The following PTDSS2 variants were observed in gnomAD, a reference collection of about 807,000 sequenced individuals.
PTDSS2 encodes the protein PSS-2.
PTDSS2 carries 41 observed loss-of-function variants against 64.7 expected under a neutral mutation model. The ratio of observed to expected loss-of-function variants is 0.63; its 90% CI spans 0.49 to 0.82. The LOEUF (loss-of-function observed/expected upper bound fraction) is 0.82, where lower values mean the gene tolerates loss of function less well. PTDSS2 is among the 40% of genes least tolerant of loss of function. The pLI is 0.00. For synonymous variants in PTDSS2, 297 were observed against 277.8 expected (o/e 1.07, Z -0.69); for missense variants, 485 against 650.0 (o/e 0.75, Z 2.76).
At chr11:484,300 C>T (rs1020404632) in intron 4 of PTDSS2, among the ~76,000 whole-genome samples, 4 of 152,220 alleles carry the variant, frequency 2.6e-5, no homozygotes, top group Non-Finnish European at 5.9e-5. Context: ...CCTAGCACTG[C>T]GGGATGCTCC....
intron 3 of PTDSS2, among the ~76,000 whole-genome samples, chr11:478,516 G>A (rs1329673615): frequency 6.6e-6 from 1 of 151,998 alleles, no homozygotes; most frequent in Non-Finnish European, 1.5e-5. Flanking sequence ...GGAGGCTGAG[G>A]CGGGTGGACC....
chr11:450,514 C>G lies in PTDSS2; in HGVS notation c.59C>G (p.Ala20Gly), dbSNP rs1846267140. ...GGPRPESPVP[A>G]GRASLEEPPD... ...CCGCGGCCCGAGTCCCCGGTGCCCG[C>G]GGGCAGGGCCTCGCTGGAGGAGCCG... The change falls in exon 1 of 12, where the codon GCG becomes GGG. Residue 20 changes from alanine to glycine, a missense_variant. By Grantham distance (60) the Ala-to-Gly change is moderately conservative. This residue lies in a region of PTDSS2 where 251 missense variants were observed against 348.0 expected (regional missense o/e 0.72). Transcript: ENST00000308020. 3.2e-6 allele frequency: 4 copies of G among 1,239,454 alleles called. No homozygotes were observed. Among genetic ancestry groups the G allele is most frequent in the Non-Finnish European group, 3.0e-6 (3 of 985,066 alleles). The allele number at this position is 1,239,454 out of a possible 1,614,324, so 76.8% of individuals were successfully genotyped here.
At chr11:457,972 T>C (rs1245766546) in intron 1 of PTDSS2, among the ~76,000 whole-genome samples, 1 of 152,234 alleles carries the variant, frequency 6.6e-6, no homozygotes, top group East Asian at 1.9e-4. Flanking sequence ...TGCTGTGTCG[T>C]GGCTTGGATT....
intron 2 of PTDSS2, among the ~76,000 whole-genome samples, chr11:464,426 TC>T (rs1162782478): frequency 6.6e-6 from 1 of 152,180 alleles, no homozygotes; most frequent in East Asian, 1.9e-4. Flanking sequence ...TGTTCACTGT[TC>T]CCTGCGCTCA....
intron 1 of PTDSS2, among the ~76,000 whole-genome samples, chr11:457,409 G>A (rs562824460): frequency 1.3e-5 from 2 of 152,358 alleles, no homozygotes; most frequent in African/African-American, 4.8e-5. Flanking sequence ...TGTGCCTGGC[G>A]TCTGTAGCGT....
intron 2 of PTDSS2, among the ~76,000 whole-genome samples, chr11:465,994 C>T (rs910118548): frequency 6.6e-6 from 1 of 152,082 alleles, no homozygotes; most frequent in Non-Finnish European, 1.5e-5. Flanking sequence ...AAAAGGTGAG[C>T]CACAAGCTGT....
intron 4 of PTDSS2, among the ~76,000 whole-genome samples, chr11:481,263 G>A (rs1848059885): frequency 6.6e-6 from 1 of 152,150 alleles, no homozygotes; most frequent in South Asian, 2.1e-4. Flanking sequence ...TATCCCTCAA[G>A]TGACATTTGC....
At chr11:478,781 G>A (rs976476041) in intron 3 of PTDSS2, among the ~76,000 whole-genome samples, 8 of 152,248 alleles carry the variant, frequency 5.3e-5, no homozygotes, top group East Asian at 1.9e-4. Flanking sequence ...ACTTAACGGC[G>A]CAAGTTTAGA....
At chr11:487,597 GCCAC>G (rs1848451459) in intron 6 of PTDSS2, 127 bp downstream of exon 6, 2 of 881,900 alleles carry the variant, frequency 2.3e-6, no homozygotes, top group Middle Eastern at 2.2e-4. Context: ...TCGCACTGCA[GCCAC>G]CCAGAGGTTC....
chr11:453,812 A>G (rs1846462390), intron 1 of PTDSS2, among the ~76,000 whole-genome samples: 3 of 152,228 alleles, frequency 2.0e-5, no homozygotes, highest in Admixed American at 2.0e-4. Context: ...ATGAGAGTGG[A>G]CATGAGAGTG....
intron 8 of PTDSS2, among the ~76,000 whole-genome samples, chr11:488,857 C>T (rs562814092): frequency 1.3e-5 from 2 of 152,348 alleles, no homozygotes; most frequent in Admixed American, 6.5e-5. Context: ...GTCTGACCCA[C>T]GTACCTCCCT....
At chr11:483,942 A>G (rs1848182286) in intron 4 of PTDSS2, among the ~76,000 whole-genome samples, 1 of 152,132 alleles carries the variant, frequency 6.6e-6, no homozygotes, top group Admixed American at 6.6e-5. Context: ...TCCACTGTCA[A>G]TCCATAGTGC....
chr11:449,068 A>ATT (rs33967553), upstream of PTDSS2, among the ~76,000 whole-genome samples: 55,194 of 136,212 alleles, frequency 0.41, 12,096 homozygotes, highest in East Asian at 0.62. Context: ...TTCACCTAGC[A>ATT]TTTTTTTTTT....
At chr11:456,102 C>A (rs566935283) in intron 1 of PTDSS2, among the ~76,000 whole-genome samples, 6 of 152,152 alleles carry the variant, frequency 3.9e-5, no homozygotes, top group African/African-American at 1.4e-4. Context: ...GCTGTCATCA[C>A]GTCGTTGGCT....
At chr11:478,683 CA>C (rs1847924697) in intron 3 of PTDSS2, among the ~76,000 whole-genome samples, 1 of 150,854 alleles carries the variant, frequency 6.6e-6, no homozygotes, top group Non-Finnish European at 1.5e-5. Context: ...GTGAAGGTTG[CA>C]GTGAGCTGAG....
Position 461,382 on chromosome 11 carries a change from C to T in PTDSS2, c.284+1094C>T, listed in dbSNP as rs1288080194. On this transcript the variant is annotated intron_variant, in intron 2 of 11. Coordinates refer to ENST00000308020, the MANE Select transcript of PTDSS2 (RefSeq NM_030783.3). This position sits in a 1 kb window ranked among gnomAD's most constrained non-coding sequence, Gnocchi z 4.2. Reference sequence around the variant, plus strand: ...TGTAGGGGAGCGGATGCTTTAGAATCACGCACAGCAGACCTCATAACTGAG... The same window carrying T: ...TGTAGGGGAGCGGATGCTTTAGAATTACGCACAGCAGACCTCATAACTGAG... 6.6e-6 allele frequency among the ~76,000 whole-genome samples: 1 copy of T among 152,184 alleles called. No homozygotes were observed. The highest frequency in any genetic ancestry group is 1.5e-5 in the Non-Finnish European group (1 of 68,032).
chr11:449,203 G>A (rs1170776464), upstream of PTDSS2, among the ~76,000 whole-genome samples: 1 of 152,036 alleles, frequency 6.6e-6, no homozygotes, highest in Non-Finnish European at 1.5e-5. Context: ...GAGTAGCTAG[G>A]ATTACAAGCG....
intron 1 of PTDSS2, among the ~76,000 whole-genome samples, chr11:458,331 A>T (rs1332707961): frequency 6.7e-6 from 1 of 150,034 alleles, no homozygotes; most frequent in Non-Finnish European, 1.5e-5. Context: ...CAGCCTCCCG[A>T]GTAGCTGGGA....
At chr11:485,248 G>A (rs991269459) in intron 4 of PTDSS2, among the ~76,000 whole-genome samples, 2 of 138,450 alleles carry the variant, frequency 1.4e-5, no homozygotes, top group Non-Finnish European at 3.1e-5. Context: ...GCACGGGCGC[G>A]TGTGTGCTCA....
Sources: gnomAD v4.1 joint callset for allele counts (sites outside exome capture counted in the v4.1 genomes callset) on GRCh38, gnomAD v4.1.1 for gene constraint, gnomAD v4.1.1 regional missense constraint, Gnocchi (gnomAD v3.1) non-coding constraint, MANE v1.5 for transcripts, NCBI Gene and HGNC (gene_info 2026-07-23, HGNC 2026-07-21) for gene names.